TICAM1: variants seen among roughly 807,000 people sequenced by gnomAD.
TICAM1 encodes TIR domain containing adaptor molecule 1, also known as TIR domain-containing adapter molecule 1.
For synonymous variants in TICAM1, 439 were observed against 415.4 expected (o/e 1.06, Z -0.69); for missense variants, 895 against 938.2 (o/e 0.95, Z 0.60).
Position 4,818,049 on chromosome 19 carries a change from G to A in TICAM1, c.329C>T (p.Pro110Leu). The change falls in exon 2 of 2, where the codon CCC becomes CTC. Residue 110 changes from proline to leucine, a missense_variant. Physicochemically the swap from Pro to Leu is moderately conservative, Grantham distance 98 (BLOSUM62 -3). Coordinates refer to ENST00000248244, the MANE Select transcript of TICAM1 (RefSeq NM_182919.4). This position sits in a 1 kb window ranked among gnomAD's most constrained non-coding sequence, Gnocchi z 4.0. ...YHLLAEEKLC[P>L]ASLRDVAYQE... ...GTAGGCCACGTCCCGCAGCGAGGCG[G>A]GGCACAGCTTCTCCTCAGCCAGCAG... 6.2e-7 allele frequency: 1 copy of A among 1,608,536 alleles called. No homozygotes were observed. Among genetic ancestry groups the A allele is most frequent in the Non-Finnish European group, 8.5e-7 (1 of 1,179,900 alleles).
rs1429590014 is a variant in TICAM1, at chr19:4,818,105, ATCTGGGGGC to A, written c.264_272del (p.Glu88_Pro90del). 1.2e-6 allele frequency: 2 copies of A among 1,608,108 alleles called. No individual in the cohort carries two copies. The highest frequency in any genetic ancestry group is 1.1e-5 in the South Asian group (1 of 91,078). The stretch of plus-strand genomic sequence containing the variant: ...ACAAGCGGGCCACAGCCCAGGACAC[ATCTGGGGGC>A]TCCTCTGGGTCCTCGGTGCTGTCCA... On this transcript the variant is annotated inframe_deletion, in exon 2 of 2. Coordinates refer to ENST00000248244, the MANE Select transcript of TICAM1 (RefSeq NM_182919.4). The surrounding 1 kb of genome is among the most constrained non-coding windows in gnomAD (Gnocchi z 4.0).
rs2146170448 is a variant in TICAM1, at chr19:4,817,735, T to C, written c.643A>G (p.Met215Val). ...SNLEISQSPT[M>V]PFLSLHRSPH... ...CTGCGGTGCAGGCTGAGGAAGGGCA[T>C]GGTAGGGGACTGGCTGATTTCCAAG... Residue 215 changes from methionine to valine, a missense_variant, in exon 2 of 2, where the codon ATG becomes GTG. Transcript: ENST00000248244. The surrounding 1 kb of genome is among the most constrained non-coding windows in gnomAD (Gnocchi z 4.7). 6.2e-7 allele frequency: 1 copy of C among 1,601,838 alleles called. No individual in the cohort carries two copies. Among genetic ancestry groups the C allele is most frequent in the Non-Finnish European group, 8.5e-7 (1 of 1,176,842 alleles).
At position 4,818,234 on chromosome 19, in the gene TICAM1, G is replaced by A. The variant is rs764485662; in HGVS notation, c.144C>T (p.Leu48=). ...CCTCAGTTTCCTGGCCCAGCTTCAG[G>A]AGAACCATGGCATGCAGGAGGTCCT... is the stretch of plus-strand genomic sequence containing the variant. The part of the protein sequence containing the change: ...QGQDLLHAMV[L]LKLGQETEAR... Residue 48 remains leucine (L), a synonymous_variant, in exon 2 of 2, where the codon CTC becomes CTT. Coordinates refer to ENST00000248244, the MANE Select transcript of TICAM1 (RefSeq NM_182919.4). The surrounding 1 kb of genome is among the most constrained non-coding windows in gnomAD (Gnocchi z 4.0). 13 of 1,613,130 alleles carry A rather than the reference G, an allele frequency of 8.1e-6. No homozygotes were observed. Among genetic ancestry groups the A allele is most frequent in the Non-Finnish European group, 1.1e-5 (13 of 1,180,016 alleles).
chr19:4,828,990 A>G (rs6510826), intron 1 of TICAM1, among the ~76,000 whole-genome samples: 82,883 of 151,870 alleles, frequency 0.55, 23,714 homozygotes, highest in African/African-American at 0.71. Context: ...GTTAGCCACC[A>G]CGCCCTGCTA....
At position 4,817,600 on chromosome 19, in the gene TICAM1, C is replaced by T. The variant is rs750164988; in HGVS notation, c.778G>A (p.Glu260Lys). 2.5e-6 allele frequency: 4 copies of T among 1,602,514 alleles called. No homozygotes were observed. The highest frequency in any genetic ancestry group is 1.1e-5 in the South Asian group (1 of 89,718). The change falls in exon 2 of 2, where the codon GAG becomes AAG. Residue 260 changes from glutamate (E) to lysine (K), a missense_variant. Transcript: ENST00000248244. The surrounding 1 kb of genome is among the most constrained non-coding windows in gnomAD (Gnocchi z 4.7). The stretch of plus-strand genomic sequence containing the variant: ...GGCAGCTCTGGTGGGCTGGCAATCT[C>T]CCCCGATGGCGGCCAGCTCATCTCC... ...PEEMSWPPSGEIASPPELPSS... is the reference protein window; with the variant it reads ...PEEMSWPPSGKIASPPELPSS...
In TICAM1 at chr19:4,816,278, C is replaced by T. The variant is rs748477430; in HGVS notation, c.2100G>A (p.Gly700=). Residue 700 remains glycine, a synonymous_variant, in exon 2 of 2, where the codon GGG becomes GGA. Transcript: ENST00000248244. The surrounding 1 kb of genome is among the most constrained non-coding windows in gnomAD (Gnocchi z 4.3). ...GCGTCTTGTCCTCGGGCGCCTGGGA[C>T]CCTCTCTGGTTCCACATGTGGTTGT... ...GLNNHMWNQR[G]SQAPEDKTQE... is the part of the protein sequence containing the mutation. The T allele has an allele frequency of 8.6e-6, 13 of 1,515,864 alleles. No individual in the cohort carries two copies. The highest frequency in any genetic ancestry group is 1.1e-5 in the Non-Finnish European group (12 of 1,133,238). 93.9% of individuals were successfully genotyped at this position (1,515,864 alleles called of 1,614,324 possible). A position where few individuals can be genotyped will look rare whatever the true frequency, so the allele number is the denominator to read the frequency against.
intron 1 of TICAM1, among the ~76,000 whole-genome samples, chr19:4,824,071 C>T (rs906707117): frequency 3.9e-5 from 6 of 152,000 alleles, no homozygotes; most frequent in African/African-American, 1.2e-4. Flanking sequence ...TGCAGTGGTG[C>T]GATCTTAGCT....
At chr19:4,821,873 ACCT>A (rs1281673142) in intron 1 of TICAM1, among the ~76,000 whole-genome samples, 1 of 149,500 alleles carries the variant, frequency 6.7e-6, no homozygotes, top group African/African-American at 2.5e-5. Context: ...TGAACTCCCA[ACCT>A]CAGGTGATCT....
intron 1 of TICAM1, among the ~76,000 whole-genome samples, chr19:4,822,798 T>G (rs2093599811): frequency 1.3e-5 from 2 of 152,178 alleles, no homozygotes; most frequent in Non-Finnish European, 2.9e-5. Flanking sequence ...AGCTAGTGAC[T>G]GACAGAGCAG....
At chr19:4,819,593 C>A (rs2093593751) in intron 1 of TICAM1, among the ~76,000 whole-genome samples, 1 of 152,166 alleles carries the variant, frequency 6.6e-6, no homozygotes, top group South Asian at 2.1e-4. Context: ...ATAGCCTCGG[C>A]TGAGCACGGT....
chr19:4,824,332 T>TTA (rs1357638721), intron 1 of TICAM1, among the ~76,000 whole-genome samples: 3 of 143,790 alleles, frequency 2.1e-5, no homozygotes, highest in African/African-American at 7.8e-5. Flanking sequence ...TTATCCAATT[T>TTA]TTTTTTTTTT....
At chr19:4,828,851 T>C (rs1005264314) in intron 1 of TICAM1, among the ~76,000 whole-genome samples, 1 of 152,028 alleles carries the variant, frequency 6.6e-6, no homozygotes, top group African/African-American at 2.4e-5. Context: ...TACAGGTGCA[T>C]GCCACCATGC....
Position 4,826,679 on chromosome 19 carries a change from C to T in TICAM1, c.-140+4935G>A, listed in dbSNP as rs557897911. ...CAGTTTTAGACATCTCCACTACAGT[C>T]CAGTAATATTGGAGTATGGCCCCTT... On this transcript the variant is annotated intron_variant, in intron 1 of 1. Coordinates refer to ENST00000248244, the MANE Select transcript of TICAM1 (RefSeq NM_182919.4). 2.0e-4 allele frequency among the ~76,000 whole-genome samples: 31 copies of T among 152,174 alleles called. No individual in the cohort carries two copies. The South Asian group carries it at 6.2e-3, about 31-fold the overall frequency.
At chr19:4,825,046 G>A (rs1354919658) in intron 1 of TICAM1, among the ~76,000 whole-genome samples, 3 of 152,218 alleles carry the variant, frequency 2.0e-5, no homozygotes, top group South Asian at 2.1e-4. Flanking sequence ...TTGGAAGGCC[G>A]AGGTGTGTGG....
At chr19:4,819,069 C>T (rs902079475) in intron 1 of TICAM1, among the ~76,000 whole-genome samples, 5 of 152,216 alleles carry the variant, frequency 3.3e-5, no homozygotes, top group African/African-American at 1.2e-4. Flanking sequence ...CAAGATCATG[C>T]CACTGCACTC....
intron 1 of TICAM1, among the ~76,000 whole-genome samples, chr19:4,829,698 C>T (rs2093611122): frequency 6.6e-6 from 1 of 151,542 alleles, no homozygotes; most frequent in South Asian, 2.1e-4. Flanking sequence ...CAGTGCCCAG[C>T]AAGGAGCAAG....
chr19:4,820,173 C>A (rs754713731), intron 1 of TICAM1, among the ~76,000 whole-genome samples: 1 of 151,936 alleles, frequency 6.6e-6, no homozygotes, highest in Non-Finnish European at 1.5e-5. Flanking sequence ...ATAATCCCAG[C>A]ACTTTGGGAG....
At position 4,817,850 on chromosome 19, in the gene TICAM1, C is replaced by T. The variant is rs1183464068; in HGVS notation, c.528G>A (p.Arg176=). The T allele has an allele frequency of 6.2e-7, 1 of 1,612,192 alleles. No individual in the cohort carries two copies. The highest frequency in any genetic ancestry group is 1.3e-5 in the African/African-American group (1 of 74,898). ...CACCGTCAATGGGGCGTGGGAGGCT[C>T]CTGGTCCCAGAGGGCAAAGCCGAGG... ...PPSSALPSGT[R]SLPRPIDGVS... Residue 176 remains arginine, a synonymous_variant, in exon 2 of 2, where the codon AGG becomes AGA. Transcript: ENST00000248244. The surrounding 1 kb of genome is among the most constrained non-coding windows in gnomAD (Gnocchi z 4.7).
intron 1 of TICAM1, among the ~76,000 whole-genome samples, chr19:4,823,781 C>G (rs2093601590): frequency 6.6e-6 from 1 of 152,174 alleles, no homozygotes; most frequent in African/African-American, 2.4e-5. Context: ...ACACCTCGAT[C>G]TTGGACTTCC....
Sources: gnomAD v4.1 joint callset for allele counts (sites outside exome capture counted in the v4.1 genomes callset) on GRCh38, gnomAD v4.1.1 for gene constraint, Gnocchi (gnomAD v3.1) non-coding constraint, MANE v1.5 for transcripts, NCBI Gene and HGNC (gene_info 2026-07-23, HGNC 2026-07-21) for gene names.